LUZP1: variants seen among roughly 807,000 people sequenced by gnomAD.
The protein encoded by LUZP1 is filamin mechanobinding actin cross-linking protein.
Under a neutral mutation model 71.3 loss-of-function variants are expected in LUZP1, and 25 were observed. The ratio of observed to expected loss-of-function variants is 0.35; its 90% CI spans 0.26 to 0.49. The LOEUF (loss-of-function observed/expected upper bound fraction) is 0.49, where lower values mean the gene tolerates loss of function less well. Among genes scored for constraint, LUZP1 ranks in the 20% least tolerant of loss-of-function variants. LUZP1 has a pLI of 0.99. For synonymous variants in LUZP1, 481 were observed against 506.4 expected, an observed-to-expected ratio of 0.95 and a Z score of 0.67; for missense variants, 1,142 against 1,300.8, an observed-to-expected ratio of 0.88 and a Z score of 1.88.
chr1:23,157,642 T>A (rs921214598), intron 2 of LUZP1, among the ~76,000 whole-genome samples: 1 of 151,942 alleles, frequency 6.6e-6, no homozygotes, highest in Non-Finnish European at 1.5e-5. Context: ...AATACAAAAA[T>A]TAGCCCAGCG....
Position 23,149,960 on chromosome 1 carries a change from C to CAAAA in LUZP1, c.-226+18802_-226+18805dup, listed in dbSNP as rs66680455. ...CTGGTGACGGAGCCAGACTCCGTCT[C>CAAAA]AAAAAAAAAAAAAAAAAAAAAAAAG... On this transcript the variant is annotated intron_variant, in intron 2 of 4. Transcript: ENST00000302291. Among the ~76,000 whole-genome samples the CAAAA allele has an allele frequency of 1.9e-3, 143 of 75,694 alleles. 2 individuals carry two copies. Among genetic ancestry groups the CAAAA allele is most frequent in the Admixed American group, 2.8e-3 (14 of 4,938 alleles). 49.7% of individuals were successfully genotyped at this position (75,694 alleles called of 152,430 possible). A position where few individuals can be genotyped will look rare whatever the true frequency, so the allele number is the denominator to read the frequency against.
intron 2 of LUZP1, among the ~76,000 whole-genome samples, chr1:23,136,691 G>A (rs892100190): frequency 3.3e-5 from 5 of 152,056 alleles, no homozygotes; most frequent in East Asian, 1.9e-4. Flanking sequence ...GGTGGATCAC[G>A]AGATCAGGAG....
intron 2 of LUZP1, among the ~76,000 whole-genome samples, chr1:23,114,976 C>A (rs1644066104): frequency 6.6e-6 from 1 of 152,166 alleles, no homozygotes; most frequent in Admixed American, 6.5e-5. Context: ...TCTCCATTTG[C>A]CCTTGTAGAA....
At chr1:23,157,099 C>T (rs1644426151) in intron 2 of LUZP1, among the ~76,000 whole-genome samples, 2 of 152,218 alleles carry the variant, frequency 1.3e-5, no homozygotes, top group South Asian at 4.1e-4. Context: ...TTTGGAAGGC[C>T]AAGGTATGAG....
intron 2 of LUZP1, among the ~76,000 whole-genome samples, chr1:23,149,046 A>T (rs996584630): frequency 3.8e-5 from 5 of 131,640 alleles, no homozygotes; most frequent in African/African-American, 1.4e-4. Context: ...GCAACACTGT[A>T]TTCCAGCCCA....
chr1:23,094,395 T>TAGAA lies in LUZP1; in HGVS notation c.-119-19_-119-16dup. 1 of 1,430,392 alleles carries TAGAA rather than the reference T, an allele frequency of 7.0e-7. No individual in the cohort carries two copies. Among genetic ancestry groups the TAGAA allele is most frequent in the Non-Finnish European group, 9.1e-7 (1 of 1,097,702 alleles). 88.6% of individuals were successfully genotyped at this position (1,430,392 alleles called of 1,614,324 possible). ...CCATCATCAATCTACAAAAGGAAAG[T>TAGAA]AGAAAGCATGTCAGTCAGCAAATGT... On this transcript the variant is annotated splice_polypyrimidine_tract_variant and intron_variant, in intron 3 of 4. Transcript: ENST00000302291. The surrounding 1 kb of genome is among the most constrained non-coding windows in gnomAD (Gnocchi z 4.7).
At chr1:23,172,013 C>T (rs1644555283) in intron 1 of LUZP1, among the ~76,000 whole-genome samples, 1 of 152,190 alleles carries the variant, frequency 6.6e-6, no homozygotes, top group Non-Finnish European at 1.5e-5. Flanking sequence ...GCTTTTAGGT[C>T]TCTGCACCTC....
At position 23,093,875 on chromosome 1, in the gene LUZP1, C is replaced by A; in HGVS notation, c.387G>T (p.Arg129Ser). Residue 129 changes from arginine to serine, a missense_variant, in exon 4 of 5, where the codon AGG becomes AGT. Transcript: ENST00000302291. The surrounding 1 kb of genome is among the most constrained non-coding windows in gnomAD (Gnocchi z 4.2). ...ACAGCTGGGTACAGTCATTCTTACTCCTGCTGAAGGCCTCTTCTAGCTTCT... is the reference window on the plus strand; with the variant it reads ...ACAGCTGGGTACAGTCATTCTTACTACTGCTGAAGGCCTCTTCTAGCTTCT... 1 of 1,614,126 alleles carries A rather than the reference C, an allele frequency of 6.2e-7. No individual in the cohort carries two copies. The highest frequency in any genetic ancestry group is 1.1e-5 in the South Asian group (1 of 91,072).
intron 2 of LUZP1, among the ~76,000 whole-genome samples, chr1:23,157,014 T>G (rs1054014495): frequency 6.6e-6 from 1 of 152,244 alleles, no homozygotes; most frequent in African/African-American, 2.4e-5. Context: ...TATTTCAGAA[T>G]TTGGAAATGT....
intron 2 of LUZP1, among the ~76,000 whole-genome samples, chr1:23,117,357 C>T (rs1282892516): frequency 1.3e-5 from 2 of 151,184 alleles, no homozygotes; most frequent in Non-Finnish European, 2.9e-5. Flanking sequence ...TAAAAATATA[C>T]ATTAAATGCC....
chr1:23,144,399 T>C (rs1644327212), intron 2 of LUZP1, among the ~76,000 whole-genome samples: 1 of 152,168 alleles, frequency 6.6e-6, no homozygotes, highest in South Asian at 2.1e-4. Flanking sequence ...ATTCCAAAAA[T>C]GTCTCTAAAC....
At chr1:23,176,015 A>G (rs1164314614) in intron 1 of LUZP1, among the ~76,000 whole-genome samples, 1 of 149,302 alleles carries the variant, frequency 6.7e-6, no homozygotes, top group Non-Finnish European at 1.5e-5. Context: ...ACTAGAAAAC[A>G]CTGTCTCTTA....
chr1:23,127,879 T>C (rs920804773), intron 2 of LUZP1, among the ~76,000 whole-genome samples: 1 of 151,710 alleles, frequency 6.6e-6, no homozygotes, highest in South Asian at 2.1e-4. Flanking sequence ...ATGCTTGTAA[T>C]CCCAGTACTT....
Position 23,090,801 on chromosome 1 carries a change from G to C in LUZP1, c.3072+389C>G, listed in dbSNP as rs982181568. On this transcript the variant is annotated intron_variant, in intron 4 of 4. Coordinates refer to ENST00000302291, the Ensembl canonical transcript of LUZP1. ...CACTGTGCCCTACAGAAAGGGCACC[G>C]GGCCTCCTCCTGTTGCCCAGAGCTC... is the stretch of plus-strand genomic sequence containing the variant. 13 of 710,708 alleles carry C rather than the reference G, an allele frequency of 1.8e-5. No individual in the cohort carries two copies. In the African/African-American group the frequency reaches 2.1e-4, roughly 12 times the overall value. The allele number at this position is 710,708 out of a possible 1,614,324, so 44.0% of individuals were successfully genotyped here.
At chr1:23,153,747 G>A (rs1165200124) in intron 2 of LUZP1, among the ~76,000 whole-genome samples, 2 of 152,114 alleles carry the variant, frequency 1.3e-5, no homozygotes, top group African/African-American at 4.8e-5. Context: ...CAGCCTGAGT[G>A]ACATAGTGAG....
chr1:23,122,639 A>T (rs1644139600), intron 2 of LUZP1, among the ~76,000 whole-genome samples: 1 of 152,276 alleles, frequency 6.6e-6, no homozygotes, highest in South Asian at 2.1e-4. Flanking sequence ...CACAACTACA[A>T]GATTCCAGGA....
intron 2 of LUZP1, among the ~76,000 whole-genome samples, chr1:23,159,609 A>G (rs912212382): frequency 3.3e-5 from 5 of 152,212 alleles, no homozygotes; most frequent in South Asian, 2.1e-4. Flanking sequence ...TACTCAATAA[A>G]TATTTGTTGA....
chr1:23,089,340 G>A (rs1178113650), intron 4 of LUZP1, among the ~76,000 whole-genome samples: 8 of 152,146 alleles, frequency 5.3e-5, no homozygotes, highest in Admixed American at 1.3e-4. Context: ...GCCTGGAATG[G>A]GGGCATGGGA....
At chr1:23,091,406 G>A (rs755560197) in exon 4 of LUZP1, 8 of 1,614,192 alleles carry the variant, frequency 5.0e-6, no homozygotes, top group East Asian at 2.2e-5. Flanking sequence ...ACCTCTGGGT[G>A]TAGGCATTGC....
Sources: allele counts gnomAD v4.1 joint callset (sites outside exome capture counted in the v4.1 genomes callset), GRCh38; gene constraint gnomAD v4.1.1; non-coding constraint Gnocchi (gnomAD v3.1); transcripts MANE v1.5; gene names NCBI Gene and HGNC (gene_info 2026-07-23, HGNC 2026-07-21).